Variants in DNER observed in about 807,000 individuals in gnomAD.
DNER encodes the protein delta/notch like EGF repeat containing.
A neutral mutation model predicts 78.2 loss-of-function variants in DNER; 33 were observed. That is an observed-to-expected ratio of 0.42 (90% CI 0.32 to 0.56). DNER has a LOEUF of 0.56. Ranked by LOEUF, DNER falls within the 20% of genes least tolerant of loss-of-function variation. DNER has a pLI of 0.11. For missense variants in DNER, 918 were observed against 975.3 expected, an observed-to-expected ratio of 0.94 and a Z score of 0.78; for synonymous variants, 417 against 384.8, an observed-to-expected ratio of 1.08 and a Z score of -0.98.
chr2:229,669,369 C>CATATATAT (rs58371383), intron 1 of DNER, among the ~76,000 whole-genome samples: 1,897 of 144,746 alleles, frequency 0.013, 44 homozygotes, highest in African/African-American at 0.045. Flanking sequence ...TGTATACATA[C>CATATATAT]ATATATATAT....
chr2:229,576,186 G>C (rs770621893), intron 4 of DNER, among the ~76,000 whole-genome samples: 6 of 151,994 alleles, frequency 3.9e-5, no homozygotes, highest in Non-Finnish European at 8.8e-5. Flanking sequence ...TAAATCTTAA[G>C]TTTTCAGTGA....
chr2:229,389,967 T>C (rs1692980445), intron 10 of DNER, among the ~76,000 whole-genome samples: 1 of 152,186 alleles, frequency 6.6e-6, no homozygotes, highest in Non-Finnish European at 1.5e-5. Context: ...TTTCCATTAA[T>C]GGGGCAATCA....
chr2:229,705,093 T>C (rs1472295409), intron 1 of DNER, among the ~76,000 whole-genome samples: 1 of 152,192 alleles, frequency 6.6e-6, no homozygotes, highest in Non-Finnish European at 1.5e-5. Context: ...CATCCTCCAC[T>C]CAGCCCCCAT....
At chr2:229,430,516 ACT>A (rs1693980208) in intron 8 of DNER, among the ~76,000 whole-genome samples, 1 of 152,016 alleles carries the variant, frequency 6.6e-6, no homozygotes. Context: ...GAAAAGAGAG[ACT>A]GTGACCTAGC....
intron 7 of DNER, among the ~76,000 whole-genome samples, chr2:229,469,228 T>C (rs796652681): frequency 5.3e-5 from 8 of 152,252 alleles, no homozygotes; most frequent in African/African-American, 1.9e-4. Context: ...ACAGCGGGTG[T>C]ACATCCAAAT....
chr2:229,399,519 G>A (rs1693223384), intron 10 of DNER, among the ~76,000 whole-genome samples: 1 of 151,898 alleles, frequency 6.6e-6, no homozygotes, highest in African/African-American at 2.4e-5. Flanking sequence ...ATCTTTTGTA[G>A]GTATAGACAA....
intron 6 of DNER, among the ~76,000 whole-genome samples, chr2:229,496,882 A>T (rs6745008): frequency 0.29 from 43,801 of 152,020 alleles, 6,496 homozygotes; most frequent in Admixed American, 0.34. Context: ...ACTTTCAAAA[A>T]TAGAGAGACT....
intron 10 of DNER, among the ~76,000 whole-genome samples, chr2:229,396,611 G>A (rs1298046146): frequency 6.6e-6 from 1 of 152,184 alleles, no homozygotes; most frequent in Non-Finnish European, 1.5e-5. Flanking sequence ...ATGGAACTTA[G>A]GAATTTAACT....
intron 5 of DNER, among the ~76,000 whole-genome samples, chr2:229,544,572 G>T: frequency 6.6e-6 from 1 of 151,426 alleles, no homozygotes; most frequent in African/African-American, 2.4e-5. Flanking sequence ...AGCTCTTGTT[G>T]CCCAGGCTGG....
chr2:229,562,961 T>C (rs929337546), intron 4 of DNER, among the ~76,000 whole-genome samples: 2 of 150,930 alleles, frequency 1.3e-5, no homozygotes. Flanking sequence ...CCCACCACCA[T>C]CATCATCATC....
In DNER at chr2:229,474,555, C is replaced by A. The variant is rs1007551715; in HGVS notation, c.1261+2585G>T. Among the ~76,000 whole-genome samples, 6 of 152,114 alleles carry A rather than the reference C, an allele frequency of 3.9e-5. No homozygotes were observed. The South Asian group carries it at 1.2e-3, about 32-fold the overall frequency. ...TGCCACCGGATAAAGGAGAAGGGTT[C>A]CTAGATCAGCATCCAGGATTTAAAT... On this transcript the variant is annotated intron_variant, in intron 7 of 12. Transcript: ENST00000341772.
intron 5 of DNER, among the ~76,000 whole-genome samples, chr2:229,520,763 C>T (rs1345517002): frequency 1.3e-5 from 2 of 152,172 alleles, no homozygotes; most frequent in Non-Finnish European, 2.9e-5. Context: ...CTGTGGAGAA[C>T]ACTGTGAGCA....
intron 1 of DNER, among the ~76,000 whole-genome samples, chr2:229,651,531 C>T (rs1023100817): frequency 6.6e-6 from 1 of 152,194 alleles, no homozygotes. Context: ...AGGACAGATG[C>T]TCTTTGGGAG....
chr2:229,358,677 G>T, intron 12 of DNER, 26 bp from the exon 13 acceptor site: 6 of 1,588,388 alleles, frequency 3.8e-6, no homozygotes, highest in Non-Finnish European at 5.2e-6. Flanking sequence ...AAGGACTCTG[G>T]TTAGATAAAT....
At chr2:229,608,826 T>C (rs1470353382) in intron 1 of DNER, among the ~76,000 whole-genome samples, 1 of 152,240 alleles carries the variant, frequency 6.6e-6, no homozygotes, top group South Asian at 2.1e-4. Context: ...GAAACCAATA[T>C]GGCAGAATGA....
At chr2:229,379,339 T>C (rs1692682419) in intron 11 of DNER, among the ~76,000 whole-genome samples, 1 of 147,414 alleles carries the variant, frequency 6.8e-6, no homozygotes, top group African/African-American at 2.4e-5. Context: ...GCAACCAGCA[T>C]GGGAAGCCTT....
intron 1 of DNER, among the ~76,000 whole-genome samples, chr2:229,607,310 C>T (rs1697958389): frequency 6.6e-6 from 1 of 152,164 alleles, no homozygotes; most frequent in South Asian, 2.1e-4. Context: ...TATGCTATAT[C>T]TGGCATGGTT....
chr2:229,610,301 C>T (rs1476355648), intron 1 of DNER, among the ~76,000 whole-genome samples: 2 of 152,200 alleles, frequency 1.3e-5, no homozygotes, highest in Non-Finnish European at 2.9e-5. Context: ...ACACTCTCAA[C>T]GGCCTCACAG....
chr2:229,558,513 A>G (rs1399425884), intron 4 of DNER, among the ~76,000 whole-genome samples: 2 of 152,208 alleles, frequency 1.3e-5, no homozygotes, highest in Admixed American at 6.5e-5. Context: ...AACCCACAAA[A>G]AATGTAAAAT....
Sources: gnomAD v4.1 joint callset for allele counts (sites outside exome capture counted in the v4.1 genomes callset) on GRCh38, gnomAD v4.1.1 for gene constraint, MANE v1.5 for transcripts, NCBI Gene and HGNC (gene_info 2026-07-23, HGNC 2026-07-21) for gene names.